Variants in SGPP1 observed in about 807,000 individuals in gnomAD.
SGPP1 encodes hSPP1.
Under a neutral mutation model 33.0 loss-of-function variants are expected in SGPP1, and 21 were observed. The ratio of observed to expected loss-of-function variants is 0.64; its 90% CI spans 0.45 to 0.92. The LOEUF (loss-of-function observed/expected upper bound fraction) is 0.92. Among genes scored for constraint, SGPP1 ranks in the 40% least tolerant of loss-of-function variants. The pLI, the probability that SGPP1 is intolerant of heterozygous loss-of-function variation, is 0.00. For synonymous variants in SGPP1, 239 were observed against 241.2 expected (o/e 0.99, Z 0.08); for missense variants, 543 against 589.4 (o/e 0.92, Z 0.81).
chr14:63,715,030 T>C (rs564681533), intron 1 of SGPP1, among the ~76,000 whole-genome samples: 1 of 150,680 alleles, frequency 6.6e-6, no homozygotes, highest in Admixed American at 6.6e-5. Context: ...GCCGACCTTT[T>C]TTTTTTTTTT....
In SGPP1 at chr14:63,684,396, T is replaced by C. The variant is rs1884928728; in HGVS notation, c.*1709A>G. 1 of 152,080 alleles carries C rather than the reference T, an allele frequency of 6.6e-6. No individual in the cohort carries two copies. The highest frequency in any genetic ancestry group is 1.5e-5 in the Non-Finnish European group (1 of 67,922). The allele number at this position is 152,080 out of a possible 1,614,324, so 9.4% of individuals were successfully genotyped here. A position where few individuals can be genotyped will look rare whatever the true frequency, so the allele number is the denominator to read the frequency against. On this transcript the variant is annotated 3_prime_UTR_variant, in exon 3 of 3. Transcript: ENST00000247225. ...TCCCTAAAATTCAATTCATTAAACA[T>C]ACATTTTGAAAGTAAAGCTCTTTTC...
intron 1 of SGPP1, among the ~76,000 whole-genome samples, chr14:63,722,329 C>G (rs986150778): frequency 6.7e-5 from 10 of 149,918 alleles, no homozygotes; most frequent in Admixed American, 2.7e-4. Flanking sequence ...TAGAGGCTAG[C>G]CTGACCAACA....
chr14:63,703,470 T>C (rs1885342913), intron 1 of SGPP1, among the ~76,000 whole-genome samples: 1 of 151,892 alleles, frequency 6.6e-6, no homozygotes, highest in African/African-American at 2.4e-5. Flanking sequence ...CTGGCCAACA[T>C]GGTGAAACCC....
intron 1 of SGPP1, among the ~76,000 whole-genome samples, chr14:63,718,416 T>C (rs1235084764): frequency 6.6e-6 from 1 of 152,158 alleles, no homozygotes; most frequent in Non-Finnish European, 1.5e-5. Flanking sequence ...CCAGCAGATC[T>C]ATAGTAGAAA....
intron 1 of SGPP1, among the ~76,000 whole-genome samples, chr14:63,721,240 A>G (rs1269331817): frequency 6.6e-6 from 1 of 152,204 alleles, no homozygotes; most frequent in Non-Finnish European, 1.5e-5. Flanking sequence ...AGATCGTGCC[A>G]CTGCACTCCA....
intron 2 of SGPP1, among the ~76,000 whole-genome samples, chr14:63,694,287 A>G (rs1373529550): frequency 6.7e-6 from 1 of 149,860 alleles, no homozygotes; most frequent in African/African-American, 2.4e-5. Context: ...AAAGAAAAGA[A>G]AAAAAAAAAA....
chr14:63,697,394 T>C (rs1885207867), intron 2 of SGPP1, among the ~76,000 whole-genome samples: 1 of 152,160 alleles, frequency 6.6e-6, no homozygotes, highest in Non-Finnish European at 1.5e-5. Flanking sequence ...AATGGTAACA[T>C]GTTAAGGACA....
At chr14:63,724,507 C>T (rs1024960873) in intron 1 of SGPP1, among the ~76,000 whole-genome samples, 2 of 149,566 alleles carry the variant, frequency 1.3e-5, no homozygotes, top group Non-Finnish European at 2.9e-5. Context: ...AGGGGAAAGG[C>T]TTTCTATATA....
At chr14:63,688,256 C>T (rs565786342) in intron 2 of SGPP1, among the ~76,000 whole-genome samples, 2 of 132,210 alleles carry the variant, frequency 1.5e-5, no homozygotes, top group African/African-American at 5.8e-5. Flanking sequence ...GCCGAGGTTG[C>T]AGTGAACCGA....
intron 1 of SGPP1, among the ~76,000 whole-genome samples, chr14:63,710,721 C>T (rs1240082197): frequency 6.6e-6 from 1 of 152,118 alleles, no homozygotes; most frequent in Non-Finnish European, 1.5e-5. Context: ...TTGAGAAAAC[C>T]AGCCCAGACT....
chr14:63,702,734 T>C (rs1481696584), intron 1 of SGPP1, among the ~76,000 whole-genome samples: 1 of 151,856 alleles, frequency 6.6e-6, no homozygotes, highest in Non-Finnish European at 1.5e-5. Context: ...AGAAAACATT[T>C]TGGGGAACAC....
At chr14:63,700,736 G>A (rs540262092) in intron 1 of SGPP1, among the ~76,000 whole-genome samples, 6 of 152,282 alleles carry the variant, frequency 3.9e-5, no homozygotes, top group African/African-American at 1.4e-4. Context: ...AATATTCCTT[G>A]TGCTCCTCCT....
At chr14:63,705,958 G>A (rs1474164986) in intron 1 of SGPP1, among the ~76,000 whole-genome samples, 2 of 152,100 alleles carry the variant, frequency 1.3e-5, no homozygotes, top group Admixed American at 6.5e-5. Flanking sequence ...ATGAAAACCA[G>A]TACTCAAATA....
In SGPP1 at chr14:63,698,672, A is replaced by G. The variant is rs748807965; in HGVS notation, c.685-14T>C. ...TATAAGAGGGTACTAAAGGGGAAAA[A>G]AAGTAAAATTAGTTAAACAAATTTA... On this transcript the variant is annotated splice_polypyrimidine_tract_variant and intron_variant, in intron 1 of 2. Transcript: ENST00000247225. The G allele has an allele frequency of 6.9e-7, 1 of 1,440,186 alleles. No individual in the cohort carries two copies. The highest frequency in any genetic ancestry group is 1.3e-5 in the South Asian group (1 of 79,558). The allele number at this position is 1,440,186 out of a possible 1,614,324, so 89.2% of individuals were successfully genotyped here.
At chr14:63,727,211 C>T (rs1156897098) in intron 1 of SGPP1, 50 bp downstream of exon 1, 2 of 1,524,404 alleles carry the variant, frequency 1.3e-6, no homozygotes, top group Admixed American at 2.1e-5. Context: ...AAAGAGAACT[C>T]CGAGTTCTTT....
intron 1 of SGPP1, among the ~76,000 whole-genome samples, chr14:63,722,571 T>C (rs2139656143): frequency 6.8e-6 from 1 of 147,532 alleles, no homozygotes; most frequent in East Asian, 1.9e-4. Flanking sequence ...AACAATGCTA[T>C]AACATTATTA....
At position 63,727,310 on chromosome 14, in the gene SGPP1, C is replaced by G; in HGVS notation, c.635G>C (p.Gly212Ala). 4 of 1,613,958 alleles carry G rather than the reference C, an allele frequency of 2.5e-6. No individual in the cohort carries two copies. Among genetic ancestry groups the G allele is most frequent in the Non-Finnish European group, 3.4e-6 (4 of 1,179,906 alleles). The stretch of plus-strand genomic sequence containing the variant: ...GACCATAGAAATGGGGATGGCGGTG[C>G]CGGACATGGCATGGGTGGAGGGCAT... ...YSMPSTHAMS[G>A]TAIPISMVLL... The change falls in exon 1 of 3, where the codon GGC (glycine) becomes GCC (alanine). Residue 212 changes from glycine (G) to alanine (A), a missense_variant. Coordinates refer to ENST00000247225, the MANE Select transcript of SGPP1 (RefSeq NM_030791.4).
intron 2 of SGPP1, among the ~76,000 whole-genome samples, chr14:63,693,781 T>C (rs775613978): frequency 3.9e-5 from 6 of 152,098 alleles, no homozygotes; most frequent in Non-Finnish European, 7.4e-5. Flanking sequence ...GACCAACTTA[T>C]TTTTTAATTT....
intron 1 of SGPP1, among the ~76,000 whole-genome samples, chr14:63,705,173 G>A (rs1490849697): frequency 6.7e-6 from 1 of 148,962 alleles, no homozygotes; most frequent in African/African-American, 2.5e-5. Flanking sequence ...TACATCAAAG[G>A]AAATTATCAA....
Sources: allele counts gnomAD v4.1 joint callset (sites outside exome capture counted in the v4.1 genomes callset), GRCh38; gene constraint gnomAD v4.1.1; transcripts MANE v1.5; gene names NCBI Gene and HGNC (gene_info 2026-07-23, HGNC 2026-07-21).